Variants in NR2F1-AS1 observed in about 807,000 individuals in gnomAD.
The protein encoded by NR2F1-AS1 is NR2F1 regulatory antisense RNA 1.
At chr5:93,531,795 C>G (rs1485830529) in intron 4 of NR2F1-AS1, among the ~76,000 whole-genome samples, 5 of 152,126 alleles carry the variant, frequency 3.3e-5, no homozygotes, top group Non-Finnish European at 7.4e-5. Context: ...AGAAAACAAA[C>G]TAGTAAGGCA....
At chr5:93,529,056 T>C (rs937210068) in intron 4 of NR2F1-AS1, among the ~76,000 whole-genome samples, 3 of 152,018 alleles carry the variant, frequency 2.0e-5, no homozygotes, top group South Asian at 2.1e-4. Flanking sequence ...TTTTAAAAAA[T>C]AGAATGTGAG....
chr5:93,450,896 C>T (rs1167011906), intron 4 of NR2F1-AS1, among the ~76,000 whole-genome samples: 1 of 106,076 alleles, frequency 9.4e-6, no homozygotes, highest in Non-Finnish European at 1.8e-5. Context: ...TCCTGGGCAA[C>T]ACAGCAAGAA....
chr5:93,528,671 T>C (rs2149899147), intron 4 of NR2F1-AS1, among the ~76,000 whole-genome samples: 1 of 152,266 alleles, frequency 6.6e-6, no homozygotes, highest in East Asian at 1.9e-4. Context: ...AACGATAGAC[T>C]GGATAAAGAA....
At chr5:93,449,030 A>G (rs1749774635) in intron 4 of NR2F1-AS1, among the ~76,000 whole-genome samples, 1 of 152,172 alleles carries the variant, frequency 6.6e-6, no homozygotes, top group Non-Finnish European at 1.5e-5. Context: ...AATATTTACA[A>G]AGTTTTTTTA....
chr5:93,545,959 TAAG>T (rs889173053), intron 4 of NR2F1-AS1, among the ~76,000 whole-genome samples: 1 of 152,210 alleles, frequency 6.6e-6, no homozygotes, highest in African/African-American at 2.4e-5. Flanking sequence ...GGAGCCTTGC[TAAG>T]AAGTTTTATA....
rs557371619 is a variant in NR2F1-AS1 at position 93,572,274 on chromosome 5, C to A, written n.313+8193G>T. ...GCCTGAGGTTGTCCAAGCAGCGGAA[C>A]CCCCCTGTTCCCGCCGGCCACTTGA... On this transcript the variant is annotated intron_variant and non_coding_transcript_variant, in intron 1 of 5. Transcript: ENST00000660523. Among the ~76,000 whole-genome samples the A allele has an allele frequency of 2.0e-5, 3 of 152,350 alleles. No individual in the cohort carries two copies. The East Asian group carries it at 5.8e-4, about 29-fold the overall frequency.
chr5:93,517,330 C>G (rs926850925), intron 4 of NR2F1-AS1, among the ~76,000 whole-genome samples: 1 of 151,954 alleles, frequency 6.6e-6, no homozygotes, highest in African/African-American at 2.4e-5. Flanking sequence ...AATAAAAGAG[C>G]CACTTTCTCC....
intron 2 of NR2F1-AS1, among the ~76,000 whole-genome samples, chr5:93,559,814 C>T (rs1386782211): frequency 6.6e-6 from 1 of 152,152 alleles, no homozygotes; most frequent in Non-Finnish European, 1.5e-5. Flanking sequence ...CACCTCAAAA[C>T]AATTACATTA....
At chr5:93,497,399 T>C (rs965510248) in intron 4 of NR2F1-AS1, among the ~76,000 whole-genome samples, 1 of 152,214 alleles carries the variant, frequency 6.6e-6, no homozygotes, top group Non-Finnish European at 1.5e-5. Context: ...TTGTGTTCTC[T>C]TCACCCAGCT....
At chr5:93,461,285 A>G (rs948208234) in intron 4 of NR2F1-AS1, among the ~76,000 whole-genome samples, 20 of 152,162 alleles carry the variant, frequency 1.3e-4, no homozygotes, top group Non-Finnish European at 2.5e-4. Context: ...TAAATGATGA[A>G]CACATGGACA....
intron 4 of NR2F1-AS1, among the ~76,000 whole-genome samples, chr5:93,549,027 T>C (rs1752161538): frequency 6.6e-6 from 1 of 152,172 alleles, no homozygotes; most frequent in South Asian, 2.1e-4. Context: ...AATAACTGAT[T>C]ATATATATAA....
chr5:93,557,569 T>C (rs1752387886), intron 2 of NR2F1-AS1, among the ~76,000 whole-genome samples: 1 of 151,928 alleles, frequency 6.6e-6, no homozygotes, highest in Non-Finnish European at 1.5e-5. Context: ...TTTAAAATAC[T>C]TTATTGCTAA....
At chr5:93,496,982 T>C (rs1274096210) in intron 4 of NR2F1-AS1, among the ~76,000 whole-genome samples, 1 of 152,198 alleles carries the variant, frequency 6.6e-6, no homozygotes, top group Non-Finnish European at 1.5e-5. Context: ...GCAGCCTGCA[T>C]GCAGAGAAAG....
upstream of NR2F1-AS1, chr5:93,584,331 C>G (rs1185313117): frequency 6.7e-6 from 1 of 149,774 alleles, no homozygotes. Context: ...CCGCCGCCGC[C>G]GCCGCCTCCG....
At chr5:93,492,787 C>T (rs1232413653) in intron 4 of NR2F1-AS1, among the ~76,000 whole-genome samples, 2 of 151,532 alleles carry the variant, frequency 1.3e-5, no homozygotes, top group African/African-American at 4.9e-5. Flanking sequence ...TAACATATTA[C>T]ATGATTATCT....
At chr5:93,489,340 G>A (rs985731309) in intron 4 of NR2F1-AS1, among the ~76,000 whole-genome samples, 2 of 151,596 alleles carry the variant, frequency 1.3e-5, no homozygotes, top group East Asian at 1.9e-4. Context: ...ACCCTCCACC[G>A]GCAAAAAGAC....
chr5:93,509,435 T>A (rs1038337737), intron 4 of NR2F1-AS1, among the ~76,000 whole-genome samples: 1 of 152,076 alleles, frequency 6.6e-6, no homozygotes, highest in Non-Finnish European at 1.5e-5. Flanking sequence ...TTAATTTAAA[T>A]AGCCACATGT....
chr5:93,432,171 A>G (rs1423278181), intron 4 of NR2F1-AS1, among the ~76,000 whole-genome samples: 1 of 152,182 alleles, frequency 6.6e-6, no homozygotes, highest in Admixed American at 6.5e-5. Context: ...TTCAGTGTTT[A>G]AGACCTAGTC....
chr5:93,564,377 T>C (rs964643344), intron 1 of NR2F1-AS1, among the ~76,000 whole-genome samples: 2 of 152,084 alleles, frequency 1.3e-5, no homozygotes, highest in Non-Finnish European at 2.9e-5. Flanking sequence ...TATTTTTTCA[T>C]AGGACAGACA....
Sources: allele counts gnomAD v4.1 joint callset (sites outside exome capture counted in the v4.1 genomes callset), GRCh38; gene constraint gnomAD v4.1.1; transcripts MANE v1.5; gene names NCBI Gene and HGNC (gene_info 2026-07-23, HGNC 2026-07-21).